The following HS6ST3 variants were observed in gnomAD, a reference collection of about 807,000 sequenced individuals.
HS6ST3 encodes the protein heparan sulfate 6-O-sulfotransferase 3.
Under a neutral mutation model 36.7 loss-of-function variants are expected in HS6ST3, and 12 were observed. The ratio of observed to expected loss-of-function variants is 0.33; its 90% CI spans 0.21 to 0.53. The LOEUF (loss-of-function observed/expected upper bound fraction) is 0.53, where lower values mean the gene tolerates loss of function less well. HS6ST3 is among the 20% of genes least tolerant of loss of function. The probability of loss-of-function intolerance (pLI) is 0.95; values close to 1 mark genes in which losing one functional copy is unlikely to be tolerated. For missense variants in HS6ST3, 584 were observed against 640.9 expected (o/e 0.91, Z 0.96); for synonymous variants, 240 against 257.5 (o/e 0.93, Z 0.65).
chr13:96,273,167 AT>A (rs2054729686), intron 1 of HS6ST3, among the ~76,000 whole-genome samples: 1 of 152,012 alleles, frequency 6.6e-6, no homozygotes, highest in African/African-American at 2.4e-5. Context: ...TGCTCGCCAA[AT>A]AATGCAAGTT....
chr13:96,535,902 C>T (rs1478375292), intron 1 of HS6ST3, among the ~76,000 whole-genome samples: 1 of 152,184 alleles, frequency 6.6e-6, no homozygotes, highest in African/African-American at 2.4e-5. Context: ...CACCTCCCTC[C>T]AAACTGATTG....
At chr13:96,534,826 G>A (rs951179930) in intron 1 of HS6ST3, among the ~76,000 whole-genome samples, 1 of 152,188 alleles carries the variant, frequency 6.6e-6, no homozygotes, top group Non-Finnish European at 1.5e-5. Flanking sequence ...AGGCATGGTG[G>A]TGTGTGCCTA....
chr13:96,520,892 GA>G, intron 1 of HS6ST3, among the ~76,000 whole-genome samples: 1 of 152,278 alleles, frequency 6.6e-6, no homozygotes, highest in East Asian at 1.9e-4. Flanking sequence ...TGTTGAATAG[GA>G]GTGATGAGAG....
chr13:96,515,278 A>G (rs1231992444), intron 1 of HS6ST3, among the ~76,000 whole-genome samples: 1 of 152,240 alleles, frequency 6.6e-6, no homozygotes, highest in Non-Finnish European at 1.5e-5. Flanking sequence ...GACAGCAATT[A>G]TTATTGATTG....
intron 1 of HS6ST3, among the ~76,000 whole-genome samples, chr13:96,486,057 T>C (rs1438510268): frequency 7.4e-6 from 1 of 135,930 alleles, no homozygotes; most frequent in African/African-American, 2.8e-5. Flanking sequence ...ATGTTCCCCT[T>C]CCTGTGTCCA....
intron 1 of HS6ST3, among the ~76,000 whole-genome samples, chr13:96,650,286 G>A (rs1439154107): frequency 6.6e-6 from 1 of 152,030 alleles, no homozygotes; most frequent in Non-Finnish European, 1.5e-5. Flanking sequence ...CAATCGTTTT[G>A]TTCTTTGGTT....
chr13:96,305,696 C>T (rs1341228531), intron 1 of HS6ST3, among the ~76,000 whole-genome samples: 1 of 152,058 alleles, frequency 6.6e-6, no homozygotes, highest in African/African-American at 2.4e-5. Flanking sequence ...TAATTATTAG[C>T]TATTTTTACT....
At chr13:96,645,248 G>A (rs2139009099) in intron 1 of HS6ST3, among the ~76,000 whole-genome samples, 1 of 151,838 alleles carries the variant, frequency 6.6e-6, no homozygotes, top group Non-Finnish European at 1.5e-5. Flanking sequence ...TGTCTTTTCT[G>A]TTTTTTGTTT....
rs920831585 is a variant in HS6ST3, at chr13:96,795,131, C to A, written c.708-37359C>A. Among the ~76,000 whole-genome samples the A allele has an allele frequency of 2.6e-5, 4 of 152,094 alleles. No individual in the cohort carries two copies. In the East Asian group the frequency reaches 7.8e-4, roughly 29 times the overall value. On this transcript the variant is annotated intron_variant, in intron 1 of 1. Transcript: ENST00000376705. The stretch of plus-strand genomic sequence containing the variant: ...TTATGTCAAAGTCATTCCAGCACAG[C>A]CGTTTTAATATCTCAAACCTTTCAC...
intron 1 of HS6ST3, among the ~76,000 whole-genome samples, chr13:96,412,482 C>T (rs564783383): frequency 2.0e-5 from 3 of 152,170 alleles, no homozygotes; most frequent in African/African-American, 7.2e-5. Flanking sequence ...GAAACATTGC[C>T]ATTTGGATGC....
chr13:96,572,192 T>G (rs2056303227), intron 1 of HS6ST3, among the ~76,000 whole-genome samples: 1 of 152,210 alleles, frequency 6.6e-6, no homozygotes, highest in African/African-American at 2.4e-5. Flanking sequence ...CACAGAGATA[T>G]GTTGGGACAC....
intron 1 of HS6ST3, among the ~76,000 whole-genome samples, chr13:96,543,027 G>A (rs150853098): frequency 1.7e-3 from 261 of 152,206 alleles, no homozygotes; most frequent in Middle Eastern, 6.8e-3. Flanking sequence ...AGAAACCAAC[G>A]AGAGCTCTGA....
intron 1 of HS6ST3, among the ~76,000 whole-genome samples, chr13:96,268,432 C>G (rs963799581): frequency 6.6e-6 from 1 of 151,890 alleles, no homozygotes; most frequent in South Asian, 2.1e-4. Context: ...AACTCACTCA[C>G]TATCATGAGA....
At chr13:96,458,403 A>C (rs1246382437) in intron 1 of HS6ST3, among the ~76,000 whole-genome samples, 1 of 152,126 alleles carries the variant, frequency 6.6e-6, no homozygotes, top group African/African-American at 2.4e-5. Context: ...TATCCAGAGA[A>C]GTTTTTCTTA....
chr13:96,802,985 CCCAATAACGTGGAAACAGA>C (rs1878117046), intron 1 of HS6ST3, among the ~76,000 whole-genome samples: 2 of 152,124 alleles, frequency 1.3e-5, no homozygotes, highest in Admixed American at 1.3e-4. Context: ...CTCCCTCATC[CCCAATAACGTGGAAACAGA>C]TAATTATTCT....
At chr13:96,560,463 C>CATTA (rs1385518937) in intron 1 of HS6ST3, among the ~76,000 whole-genome samples, 1 of 152,134 alleles carries the variant, frequency 6.6e-6, no homozygotes, top group East Asian at 1.9e-4. Context: ...AGAACTGGAA[C>CATTA]ATTACAAGGA....
chr13:96,186,707 T>TG (rs2054266528), intron 1 of HS6ST3, among the ~76,000 whole-genome samples: 1 of 152,236 alleles, frequency 6.6e-6, no homozygotes, highest in South Asian at 2.1e-4. Context: ...AGGGAGCCTA[T>TG]GACATTTTTC....
intron 1 of HS6ST3, among the ~76,000 whole-genome samples, chr13:96,573,332 C>A (rs2056307781): frequency 6.6e-6 from 1 of 152,060 alleles, no homozygotes; most frequent in Admixed American, 6.6e-5. Context: ...GGTACATATG[C>A]CTTTTTATGC....
At chr13:96,254,482 TATATATATATATATATACACATAC>T (rs1467386533) in intron 1 of HS6ST3, among the ~76,000 whole-genome samples, 223 of 21,940 alleles carry the variant, frequency 0.01, 19 homozygotes, top group African/African-American at 0.026. Flanking sequence ...TATATATATA[TATATATATATATATATACACATAC>T]ATACACACAC....
Sources: allele counts gnomAD v4.1 joint callset (sites outside exome capture counted in the v4.1 genomes callset), GRCh38; gene constraint gnomAD v4.1.1; transcripts MANE v1.5; gene names NCBI Gene and HGNC (gene_info 2026-07-23, HGNC 2026-07-21).